SNTG2: variants seen among roughly 807,000 people sequenced by gnomAD.
The protein encoded by SNTG2 is gamma-2-syntrophin.
In SNTG2, 74 loss-of-function variants were observed where a neutral mutation model predicts 70.9. That is an observed-to-expected ratio of 1.04 (90% CI 0.86 to 1.27). SNTG2 has a LOEUF of 1.27. Ranked by LOEUF, SNTG2 falls within the 50% of genes most tolerant of loss-of-function variation. The probability of loss-of-function intolerance (pLI) is 0.00; values close to 1 mark genes in which losing one functional copy is unlikely to be tolerated. For missense variants in SNTG2, 717 were observed against 690.7 expected (o/e 1.04, Z -0.43); for synonymous variants, 278 against 273.8 (o/e 1.02, Z -0.15).
At chr2:976,481 C>T (rs960263653) in intron 1 of SNTG2, among the ~76,000 whole-genome samples, 4 of 152,168 alleles carry the variant, frequency 2.6e-5, no homozygotes, top group Non-Finnish European at 5.9e-5. Context: ...CCTGCTCCGT[C>T]CCCACCTCCC....
intron 1 of SNTG2, among the ~76,000 whole-genome samples, chr2:974,869 C>T (rs1283905809): frequency 6.6e-6 from 1 of 152,132 alleles, no homozygotes; most frequent in African/African-American, 2.4e-5. Context: ...AGACACTATG[C>T]CTTCTCATGG....
chr2:1,125,229 GTC>G (rs1382069207), intron 4 of SNTG2, among the ~76,000 whole-genome samples: 2 of 152,092 alleles, frequency 1.3e-5, no homozygotes, highest in Non-Finnish European at 2.9e-5. Context: ...AGCTACTAAA[GTC>G]TGGCTGCTCG....
intron 16 of SNTG2, among the ~76,000 whole-genome samples, chr2:1,363,752 A>T (rs148709716): frequency 6.6e-6 from 1 of 152,242 alleles, no homozygotes; most frequent in East Asian, 1.9e-4. Context: ...TAGAAAATTA[A>T]CCAGACCAGA....
chr2:1,205,181 C>G (rs1485932848), intron 8 of SNTG2, among the ~76,000 whole-genome samples: 1 of 151,992 alleles, frequency 6.6e-6, no homozygotes, highest in Non-Finnish European at 1.5e-5. Flanking sequence ...TACATACATG[C>G]CTTGAGGAGG....
chr2:1,175,399 A>AT (rs777400076), intron 8 of SNTG2, among the ~76,000 whole-genome samples: 52 of 152,012 alleles, frequency 3.4e-4, no homozygotes, highest in Non-Finnish European at 2.2e-4. Flanking sequence ...AACTCACTCT[A>AT]TTTTTTCCAT....
At chr2:1,031,529 T>TATATATATATATATATATA (rs372970926) in intron 1 of SNTG2, among the ~76,000 whole-genome samples, 7 of 42,636 alleles carry the variant, frequency 1.6e-4, no homozygotes, top group South Asian at 6.8e-4. Flanking sequence ...TATATATATA[T>TATATATATATATATATATA]TTTTTTTTTT....
intron 7 of SNTG2, 46 bp downstream of exon 7, chr2:1,165,681 T>G: frequency 6.8e-7 from 1 of 1,479,740 alleles, no homozygotes; most frequent in East Asian, 2.3e-5. Context: ...GAAATTCCTT[T>G]CTTGCCACAT....
In SNTG2 at chr2:1,117,116, C is replaced by T. The variant is rs142493149; in HGVS notation, c.325+18706C>T. The stretch of plus-strand genomic sequence containing the variant: ...GTACAGGTGCCCCGGTGTACGGGTG[C>T]TCTTGTGTGTAGGTGCTCTGGTGCG... On this transcript the variant is annotated intron_variant, in intron 4 of 16. Coordinates refer to ENST00000308624, the MANE Select transcript of SNTG2 (RefSeq NM_018968.4). 7.6e-4 allele frequency among the ~76,000 whole-genome samples: 115 copies of T among 151,942 alleles called. 1 individual carries two copies. Among genetic ancestry groups the T allele is most frequent in the Non-Finnish European group, 1.3e-3 (91 of 67,896 alleles).
At chr2:1,227,452 G>C (rs1675867540) in intron 9 of SNTG2, among the ~76,000 whole-genome samples, 2 of 152,252 alleles carry the variant, frequency 1.3e-5, no homozygotes, top group African/African-American at 4.8e-5. Flanking sequence ...CGCTCCGGAA[G>C]TGGAGGAGCC....
intron 2 of SNTG2, among the ~76,000 whole-genome samples, chr2:1,092,894 G>A (rs1210782852): frequency 6.6e-6 from 1 of 152,074 alleles, no homozygotes; most frequent in Non-Finnish European, 1.5e-5. Context: ...ACATAGTTTG[G>A]GATTAAATGA....
At chr2:1,325,434 A>G (rs1353567355) in intron 16 of SNTG2, among the ~76,000 whole-genome samples, 2 of 152,256 alleles carry the variant, frequency 1.3e-5, no homozygotes, top group Admixed American at 1.3e-4. Context: ...AAAAAGTTAT[A>G]CAAGTTATTT....
At chr2:1,087,338 C>T (rs1272966888) in intron 2 of SNTG2, among the ~76,000 whole-genome samples, 1 of 152,110 alleles carries the variant, frequency 6.6e-6, no homozygotes, top group African/African-American at 2.4e-5. Flanking sequence ...TTCTGTCTGT[C>T]CTATAGGAAG....
At chr2:1,165,686 C>A in intron 7 of SNTG2, 51 bp downstream of exon 7, 2 of 1,454,198 alleles carry the variant, frequency 1.4e-6, no homozygotes, top group Non-Finnish European at 1.9e-6. Flanking sequence ...TCCTTTCTTG[C>A]CACATTATTT....
chr2:1,154,148 A>G (rs1479584690), intron 6 of SNTG2, among the ~76,000 whole-genome samples: 1 of 151,582 alleles, frequency 6.6e-6, no homozygotes, highest in Non-Finnish European at 1.5e-5. Context: ...ATGGGAGCAC[A>G]GGGAAAGGGC....
At chr2:1,045,044 A>G (rs907173551) in intron 1 of SNTG2, among the ~76,000 whole-genome samples, 1 of 151,478 alleles carries the variant, frequency 6.6e-6, no homozygotes. Flanking sequence ...TTTTTTGTTA[A>G]TTATTAATAA....
intron 6 of SNTG2, among the ~76,000 whole-genome samples, chr2:1,140,368 C>T (rs867822747): frequency 7.2e-5 from 11 of 152,330 alleles, no homozygotes; most frequent in Middle Eastern, 3.4e-3. Flanking sequence ...GTAAACTGTC[C>T]GTATGTTCAC....
chr2:976,342 C>G (rs972838016), intron 1 of SNTG2, among the ~76,000 whole-genome samples: 1 of 152,168 alleles, frequency 6.6e-6, no homozygotes, highest in East Asian at 1.9e-4. Context: ...CGAGCCAGCA[C>G]GCTGTGACAT....
intron 14 of SNTG2, 33 bp from the exon 15 acceptor site, chr2:1,308,461 G>A: frequency 6.5e-7 from 1 of 1,532,436 alleles, no homozygotes; most frequent in Non-Finnish European, 8.8e-7. Context: ...CATTATTAAA[G>A]AATGTTTTCT....
intron 1 of SNTG2, among the ~76,000 whole-genome samples, chr2:1,034,379 T>C (rs2148042136): frequency 6.6e-6 from 1 of 152,344 alleles, no homozygotes; most frequent in South Asian, 2.1e-4. Context: ...GTTGATTCCA[T>C]GTCTTTGTTA....
Sources: allele counts gnomAD v4.1 joint callset (sites outside exome capture counted in the v4.1 genomes callset), GRCh38; gene constraint gnomAD v4.1.1; transcripts MANE v1.5; gene names NCBI Gene and HGNC (gene_info 2026-07-23, HGNC 2026-07-21).